Variants in ACAN observed in about 807,000 individuals in gnomAD.
ACAN encodes aggrecan core protein.
ACAN carries 47 observed loss-of-function variants against 169.1 expected under a neutral mutation model. That is an observed-to-expected ratio of 0.28 (90% CI 0.22 to 0.35). ACAN has a LOEUF of 0.35. Among genes scored for constraint, ACAN ranks in the 10% least tolerant of loss-of-function variants. The pLI is 1.00. For missense variants in ACAN, 2,716 were observed against 2,759.9 expected (o/e 0.98, Z 0.36); for synonymous variants, 1,115 against 1,112.2 (o/e 1.00, Z -0.05).
At position 88,847,936 on chromosome 15, in the gene ACAN, C is replaced by T. The variant is rs759515019; in HGVS notation, c.1630C>T (p.Pro544Ser). The T allele has an allele frequency of 1.9e-6, 3 of 1,613,866 alleles. No individual in the cohort carries two copies. The highest frequency in any genetic ancestry group is 1.7e-6 in the Non-Finnish European group (2 of 1,179,800). ...ATACCCCATTGTGAGCCCCCGGACC[C>T]CATGCGTGGGTGACAAGGACAGCAG... ...VRYPIVSPRTPCVGDKDSSPG... is the reference protein window; with the variant it reads ...VRYPIVSPRTSCVGDKDSSPG... The change falls in exon 9 of 19, where the codon CCA becomes TCA. Residue 544 changes from proline (P) to serine (S), a missense_variant. Transcript: ENST00000560601.
At chr15:88,829,196 T>A (rs143124101) in intron 1 of ACAN, among the ~76,000 whole-genome samples, 1 of 152,174 alleles carries the variant, frequency 6.6e-6, no homozygotes, top group Non-Finnish European at 1.5e-5. Context: ...AGACAAGGTG[T>A]TGAAGAAGGT....
chr15:88,864,812 T>C (rs1459782665), intron 13 of ACAN, among the ~76,000 whole-genome samples: 1 of 152,218 alleles, frequency 6.6e-6, no homozygotes, highest in African/African-American at 2.4e-5. Context: ...AATCACCACA[T>C]ACAGCTGCAC....
chr15:88,849,595 C>T lies in ACAN; in HGVS notation c.1890C>T (p.Gly630=), dbSNP rs1159224955. ...DKCYAGWLAD[G]SLRYPIVTPR... ...GCTATGCCGGCTGGCTGGCCGACGG[C>T]AGCCTCCGCTACCCCATCGTCACCC... Residue 630 remains glycine, a synonymous_variant, in exon 10 of 19, where the codon GGC becomes GGT. Transcript: ENST00000560601. The surrounding 1 kb of genome is among the most constrained non-coding windows in gnomAD (Gnocchi z 5.1). 6.2e-7 allele frequency: 1 copy of T among 1,609,076 alleles called. No individual in the cohort carries two copies. The highest frequency in any genetic ancestry group is 8.5e-7 in the Non-Finnish European group (1 of 1,178,280).
At position 88,851,742 on chromosome 15, in the gene ACAN, A is replaced by G; in HGVS notation, c.2027-52A>G. Reference sequence around the variant, plus strand: ...TCCCCTCAAGAAGGGCCAGCCAAGGACGGGTCACTGGTAAGAGAGGGACTC... The same window carrying G: ...TCCCCTCAAGAAGGGCCAGCCAAGGGCGGGTCACTGGTAAGAGAGGGACTC... On this transcript the variant is annotated intron_variant, in intron 10 of 18. Coordinates refer to ENST00000560601, the MANE Select transcript of ACAN (RefSeq NM_001369268.1). The surrounding 1 kb of genome is among the most constrained non-coding windows in gnomAD (Gnocchi z 4.3). 5 of 1,507,602 alleles carry G rather than the reference A, an allele frequency of 3.3e-6. No homozygotes were observed. The highest frequency in any genetic ancestry group is 4.5e-6 in the Non-Finnish European group (5 of 1,123,408). 93.4% of individuals were successfully genotyped at this position (1,507,602 alleles called of 1,614,324 possible).
In ACAN at chr15:88,834,532, A is replaced by G. The variant is rs151220286; in HGVS notation, c.-7-1668A>G. On this transcript the variant is annotated intron_variant, in intron 1 of 18. Transcript: ENST00000560601. ...ACACCTGCTGGGCCACTGGACTCTGATAGAGCAAAAGTCTGGGAATGCCAC... is the reference window on the plus strand; with the variant it reads ...ACACCTGCTGGGCCACTGGACTCTGGTAGAGCAAAAGTCTGGGAATGCCAC... Among the ~76,000 whole-genome samples, 616 of 152,344 alleles carry G rather than the reference A, an allele frequency of 4.0e-3. 5 individuals carry two copies. Among genetic ancestry groups the G allele is most frequent in the African/African-American group, 0.014 (599 of 41,588 alleles).
Position 88,849,217 on chromosome 15 carries a change from AT to A in ACAN, c.1733-220del, listed in dbSNP as rs1896870433. On this transcript the variant is annotated intron_variant, in intron 9 of 18. Transcript: ENST00000560601. This position sits in a 1 kb window ranked among gnomAD's most constrained non-coding sequence, Gnocchi z 5.1. ...TGCCTTTTTTGGCACCGAAAGTCCTATGTACCGGGAAACCCCAGTCCAGTAC... is the reference window on the plus strand; with the variant it reads ...TGCCTTTTTTGGCACCGAAAGTCCTAGTACCGGGAAACCCCAGTCCAGTAC... Among the ~76,000 whole-genome samples the A allele has an allele frequency of 6.6e-6, 1 of 152,194 alleles. No homozygotes were observed. The highest frequency in any genetic ancestry group is 2.4e-5 in the African/African-American group (1 of 41,450).
chr15:88,812,934 A>G (rs1330467992), intron 1 of ACAN, among the ~76,000 whole-genome samples: 1 of 152,132 alleles, frequency 6.6e-6, no homozygotes, highest in Non-Finnish European at 1.5e-5. Flanking sequence ...GATGGTTTCT[A>G]TAGAACATGC....
intron 1 of ACAN, among the ~76,000 whole-genome samples, chr15:88,809,020 C>T (rs1051345938): frequency 4.6e-5 from 7 of 152,170 alleles, no homozygotes; most frequent in Non-Finnish European, 1.0e-4. Context: ...AGCCTCACTG[C>T]GTTTCTGTTT....
Position 88,875,059 on chromosome 15 carries a change from G to T in ACAN, c.*578G>T, listed in dbSNP as rs1897480262. On this transcript the variant is annotated 3_prime_UTR_variant, in exon 19 of 19. Transcript: ENST00000560601. The surrounding 1 kb of genome is among the most constrained non-coding windows in gnomAD (Gnocchi z 4.8). ...GGGTGGGTTCCTGCCTCCTGCCGAG[G>T]GTAAGCCGGCAGGAGAGAGCCATCA... 6.0e-6 allele frequency: 1 copy of T among 165,350 alleles called. No homozygotes were observed. The allele number at this position is 165,350 out of a possible 1,614,324, so 10.2% of individuals were successfully genotyped here. A position where few individuals can be genotyped will look rare whatever the true frequency, so the allele number is the denominator to read the frequency against.
Position 88,866,547 on chromosome 15 carries a change from G to A in ACAN, c.6947-1669G>A, listed in dbSNP as rs974814349. The stretch of plus-strand genomic sequence containing the variant: ...GTTTGCTTGGAACAGTTCCAACTTG[G>A]AACTGTTGGTTCTAGTCTATGGTGT... On this transcript the variant is annotated intron_variant, in intron 13 of 18. Transcript: ENST00000560601. This position sits in a 1 kb window ranked among gnomAD's most constrained non-coding sequence, Gnocchi z 5.6. Among the ~76,000 whole-genome samples, 2 of 151,994 alleles carry A rather than the reference G, an allele frequency of 1.3e-5. No individual in the cohort carries two copies. Among genetic ancestry groups the A allele is most frequent in the African/African-American group, 4.8e-5 (2 of 41,378 alleles).
chr15:88,858,285 C>T lies in ACAN; in HGVS notation c.5700C>T (p.Gly1900=), dbSNP rs375848120. 9.9e-6 allele frequency: 16 copies of T among 1,613,938 alleles called. No homozygotes were observed. In the African/African-American group the frequency reaches 1.2e-4, roughly 12 times the overall value. Residue 1900 remains glycine (G), a synonymous_variant, in exon 12 of 19, where the codon GGC becomes GGT. Coordinates refer to ENST00000560601, the MANE Select transcript of ACAN (RefSeq NM_001369268.1). The surrounding 1 kb of genome is among the most constrained non-coding windows in gnomAD (Gnocchi z 4.0). Reference sequence around the variant, plus strand: ...CGGAATTCAGTGGCCTACCAAGTGGCATAGCTGAGGTCAGTGGAGAATCCT... The same window carrying T: ...CGGAATTCAGTGGCCTACCAAGTGGTATAGCTGAGGTCAGTGGAGAATCCT... ...QTPEFSGLPS[G]IAEVSGESSR... is the part of the protein sequence containing the mutation.
chr15:88,806,889 G>A (rs1304266175), intron 1 of ACAN, among the ~76,000 whole-genome samples: 2 of 152,074 alleles, frequency 1.3e-5, no homozygotes, highest in Non-Finnish European at 2.9e-5. Flanking sequence ...ATCTCATAGT[G>A]CCTCCTATGT....
chr15:88,853,827 C>T (rs373316016), intron 11 of ACAN, among the ~76,000 whole-genome samples: 15 of 145,076 alleles, frequency 1.0e-4, no homozygotes, highest in East Asian at 9.8e-4. Flanking sequence ...GAATCTTTTT[C>T]GGGTCCTGCC....
chr15:88,811,547 G>C (rs374051130), intron 1 of ACAN, among the ~76,000 whole-genome samples: 9 of 152,186 alleles, frequency 5.9e-5, no homozygotes, highest in Admixed American at 1.3e-4. Flanking sequence ...TCCTTTTTCT[G>C]TGGATTAGAA....
chr15:88,817,849 G>GAAAAAAAAAAA, intron 1 of ACAN, among the ~76,000 whole-genome samples: 1 of 73,396 alleles, frequency 1.4e-5, no homozygotes, highest in Admixed American at 1.7e-4. Context: ...GTGAGACTCT[G>GAAAAAAAAAAA]AAAAAAAAAA....
rs71462461 is a variant in ACAN, at chr15:88,807,747, A to AGAGT, written c.-8+3939_-8+3940insAGTG. On this transcript the variant is annotated intron_variant, in intron 1 of 18. Coordinates refer to ENST00000560601, the MANE Select transcript of ACAN (RefSeq NM_001369268.1). This position sits in a 1 kb window ranked among gnomAD's most constrained non-coding sequence, Gnocchi z 4.0. ...CTCAGAGCCTCCTTATAAGTGGTGGAGTGTGTGTGTGTGTGTGTGTGTGTG... is the reference window on the plus strand; with the variant it reads ...CTCAGAGCCTCCTTATAAGTGGTGGAGAGTGTGTGTGTGTGTGTGTGTGTGTGTG... 7.0e-6 allele frequency among the ~76,000 whole-genome samples: 1 copy of AGAGT among 142,026 alleles called. No individual in the cohort carries two copies. The highest frequency in any genetic ancestry group is 1.5e-5 in the Non-Finnish European group (1 of 65,330). The allele number at this position is 142,026 out of a possible 152,430, so 93.2% of individuals were successfully genotyped here.
chr15:88,836,786 C>T (rs1169254527), intron 2 of ACAN, among the ~76,000 whole-genome samples: 3 of 152,226 alleles, frequency 2.0e-5, no homozygotes, highest in Non-Finnish European at 4.4e-5. Flanking sequence ...ATGTGGAAGG[C>T]ACTGGGTCTA....
chr15:88,849,824 C>A lies in ACAN; in HGVS notation c.2026+93C>A. 1 of 1,503,116 alleles carries A rather than the reference C, an allele frequency of 6.7e-7. No individual in the cohort carries two copies. The highest frequency in any genetic ancestry group is 9.1e-7 in the Non-Finnish European group (1 of 1,103,496). The allele number at this position is 1,503,116 out of a possible 1,614,324, so 93.1% of individuals were successfully genotyped here. A position where few individuals can be genotyped will look rare whatever the true frequency, so the allele number is the denominator to read the frequency against. On this transcript the variant is annotated intron_variant, in intron 10 of 18. Coordinates refer to ENST00000560601, the MANE Select transcript of ACAN (RefSeq NM_001369268.1). This position sits in a 1 kb window ranked among gnomAD's most constrained non-coding sequence, Gnocchi z 5.1. ...TCCTGCCACCACCCAGTATCCCATC[C>A]ATCAGAGCAAGAAAATGTCAGTCCC...
intron 12 of ACAN, among the ~76,000 whole-genome samples, chr15:88,860,072 C>A (rs868745379): frequency 2.9e-5 from 3 of 102,900 alleles, no homozygotes; most frequent in East Asian, 2.6e-4. Flanking sequence ...GCTGATTTTC[C>A]TTTTTTTTTT....
Sources: gnomAD v4.1 joint callset for allele counts (sites outside exome capture counted in the v4.1 genomes callset) on GRCh38, gnomAD v4.1.1 for gene constraint, Gnocchi (gnomAD v3.1) non-coding constraint, MANE v1.5 for transcripts, NCBI Gene and HGNC (gene_info 2026-07-23, HGNC 2026-07-21) for gene names.